DSCAM: variants seen among roughly 807,000 people sequenced by gnomAD.
The protein encoded by DSCAM is DS cell adhesion molecule.
In DSCAM, 47 loss-of-function variants were observed where a neutral mutation model predicts 217.7. That is an observed-to-expected ratio of 0.22 (90% CI 0.17 to 0.28). The LOEUF is 0.28. DSCAM is among the 10% of genes least tolerant of loss of function. DSCAM has a pLI of 1.00. For synonymous variants in DSCAM, 1,056 were observed against 1,015.3 expected, an observed-to-expected ratio of 1.04 and a Z score of -0.76; for missense variants, 2,080 against 2,618.3, an observed-to-expected ratio of 0.79 and a Z score of 4.49.
intron 24 of DSCAM, among the ~76,000 whole-genome samples, chr21:40,082,880 C>T (rs1202045337): frequency 6.6e-6 from 1 of 152,100 alleles, no homozygotes; most frequent in East Asian, 1.9e-4. Flanking sequence ...TGTGGCACCT[C>T]ACTCTCGGAG....
rs148906519 is a variant in DSCAM, at chr21:40,719,531, G to A, written c.44-10760C>T. Among the ~76,000 whole-genome samples the A allele has an allele frequency of 2.8e-4, 42 of 152,306 alleles. No individual in the cohort carries two copies. The East Asian group carries it at 7.7e-3, about 28-fold the overall frequency. On this transcript the variant is annotated intron_variant, in intron 1 of 32. Transcript: ENST00000400454. ...TCTACAGCAGCAACACGTTGTAACA[G>A]TCACAAACTGAAAACTTACCAAATA...
intron 3 of DSCAM, among the ~76,000 whole-genome samples, chr21:40,591,992 T>G (rs1324309858): frequency 6.6e-6 from 1 of 152,210 alleles, no homozygotes. Flanking sequence ...CCAGCTGCCT[T>G]CTGGCATTCA....
chr21:40,746,472 C>A (rs966380866), intron 1 of DSCAM, among the ~76,000 whole-genome samples: 1 of 150,462 alleles, frequency 6.6e-6, no homozygotes, highest in Admixed American at 6.6e-5. Flanking sequence ...GATATAATGA[C>A]AAAGGGATCA....
intron 27 of DSCAM, among the ~76,000 whole-genome samples, chr21:40,072,377 C>G (rs535505476): frequency 1.3e-3 from 188 of 150,318 alleles, no homozygotes; most frequent in African/African-American, 4.2e-3. Flanking sequence ...GACAGAGTCT[C>G]GCTCTGTCAC....
chr21:40,059,968 A>G (rs1373498773), intron 28 of DSCAM, among the ~76,000 whole-genome samples: 1 of 152,208 alleles, frequency 6.6e-6, no homozygotes, highest in Non-Finnish European at 1.5e-5. Flanking sequence ...CAGTTAGGTA[A>G]TGAGGTTTTT....
chr21:40,752,180 T>C (rs918797570), intron 1 of DSCAM, among the ~76,000 whole-genome samples: 1 of 152,220 alleles, frequency 6.6e-6, no homozygotes, highest in African/African-American at 2.4e-5. Context: ...TTTATTATAG[T>C]GTGAAGCTTT....
intron 1 of DSCAM, among the ~76,000 whole-genome samples, chr21:40,782,578 A>C (rs2091556705): frequency 6.6e-6 from 1 of 152,082 alleles, no homozygotes; most frequent in Admixed American, 6.5e-5. Flanking sequence ...GAATGCAAAA[A>C]ATTAGCCAGG....
At chr21:40,520,176 T>C (rs1407949935) in intron 3 of DSCAM, among the ~76,000 whole-genome samples, 3 of 152,110 alleles carry the variant, frequency 2.0e-5, no homozygotes, top group Non-Finnish European at 4.4e-5. Flanking sequence ...GCTCCTAGAA[T>C]AAATTCTAGG....
chr21:40,393,918 C>T (rs892734455), intron 3 of DSCAM, among the ~76,000 whole-genome samples: 1 of 152,078 alleles, frequency 6.6e-6, no homozygotes, highest in African/African-American at 2.4e-5. Flanking sequence ...ATTGGATTAG[C>T]CTATCTGTTC....
chr21:40,308,096 TA>T (rs1211017939), intron 9 of DSCAM, among the ~76,000 whole-genome samples: 4 of 151,624 alleles, frequency 2.6e-5, no homozygotes, highest in Admixed American at 6.6e-5. Context: ...TAAAATAAAA[TA>T]AAAAAACACA....
rs8132750 is a variant in DSCAM, at chr21:40,487,928, T to C, written c.509-118683A>G. On this transcript the variant is annotated intron_variant, in intron 3 of 32. Transcript: ENST00000400454. ...TTGATTAGAGTCAAATTTATGTACA[T>C]TCTGGTTCTTGTACACTCTAGATGG... Among the ~76,000 whole-genome samples, 1,118 of 152,282 alleles carry C rather than the reference T, an allele frequency of 7.3e-3. 13 individuals carry two copies. Among genetic ancestry groups the C allele is most frequent in the African/African-American group, 0.026 (1,061 of 41,558 alleles).
intron 3 of DSCAM, among the ~76,000 whole-genome samples, chr21:40,553,697 A>G (rs1221509522): frequency 6.6e-6 from 1 of 152,282 alleles, no homozygotes; most frequent in East Asian, 1.9e-4. Context: ...TTTGCACCCA[A>G]AAGTATATTG....
chr21:40,825,297 C>CCTTCCTTG (rs2091959670), intron 1 of DSCAM, among the ~76,000 whole-genome samples: 1 of 150,842 alleles, frequency 6.6e-6, no homozygotes, highest in African/African-American at 2.4e-5. Flanking sequence ...TTCCTTCCTT[C>CCTTCCTTG]CTTCCTTCCT....
At chr21:40,636,284 G>A (rs942753557) in intron 3 of DSCAM, among the ~76,000 whole-genome samples, 1 of 152,004 alleles carries the variant, frequency 6.6e-6, no homozygotes, top group Admixed American at 6.6e-5. Context: ...GCATACTGTG[G>A]TTCTCGGGGG....
intron 16 of DSCAM, among the ~76,000 whole-genome samples, chr21:40,145,015 T>C (rs2090338158): frequency 6.6e-6 from 1 of 152,198 alleles, no homozygotes; most frequent in Non-Finnish European, 1.5e-5. Context: ...GAGCGGAATC[T>C]GAACATGGGT....
intron 11 of DSCAM, among the ~76,000 whole-genome samples, chr21:40,271,413 G>A (rs2073615023): frequency 6.6e-6 from 1 of 152,288 alleles, no homozygotes; most frequent in Admixed American, 6.5e-5. Context: ...GTGGGCCACA[G>A]GTTCACGCTG....
At chr21:40,026,235 GAC>G (rs1301976497) in intron 32 of DSCAM, among the ~76,000 whole-genome samples, 2 of 141,236 alleles carry the variant, frequency 1.4e-5, no homozygotes, top group African/African-American at 5.1e-5. Context: ...TGGTCTGAGA[GAC>G]AGTTTGTTAT....
intron 3 of DSCAM, among the ~76,000 whole-genome samples, chr21:40,556,779 C>A (rs978049791): frequency 6.6e-6 from 1 of 152,152 alleles, no homozygotes; most frequent in Non-Finnish European, 1.5e-5. Flanking sequence ...ACCCCCATGA[C>A]GCAATACCTC....
intron 20 of DSCAM, among the ~76,000 whole-genome samples, chr21:40,096,176 C>A (rs554774940): frequency 6.6e-6 from 1 of 152,248 alleles, no homozygotes; most frequent in East Asian, 1.9e-4. Context: ...AGAATGTAAC[C>A]ATTTGTCTCT....
Sources: gnomAD v4.1 joint callset for allele counts (sites outside exome capture counted in the v4.1 genomes callset) on GRCh38, gnomAD v4.1.1 for gene constraint, MANE v1.5 for transcripts, NCBI Gene and HGNC (gene_info 2026-07-23, HGNC 2026-07-21) for gene names.